Variants in NPHP4 observed in about 807,000 individuals in gnomAD.
NPHP4 encodes nephrocystin-4.
NPHP4 carries 151 observed loss-of-function variants against 155.8 expected under a neutral mutation model. The ratio of observed to expected loss-of-function variants is 0.97; its 90% CI spans 0.85 to 1.11. The LOEUF (loss-of-function observed/expected upper bound fraction) is 1.11, where lower values mean the gene tolerates loss of function less well. NPHP4 is among the 50% of genes least tolerant of loss of function. NPHP4 has a pLI of 0.00. For synonymous variants in NPHP4, 845 were observed against 816.8 expected, an observed-to-expected ratio of 1.03 and a Z score of -0.59; for missense variants, 1,956 against 1,925.7, an observed-to-expected ratio of 1.02 and a Z score of -0.29.
At chr1:5,891,270 G>A (rs957540610) in intron 16 of NPHP4, among the ~76,000 whole-genome samples, 2 of 152,192 alleles carry the variant, frequency 1.3e-5, no homozygotes, top group South Asian at 4.1e-4. Flanking sequence ...AAGATTTATG[G>A]TTTCACCAAG....
chr1:5,875,869 T>C (rs1186546362), intron 20 of NPHP4: 1 of 152,288 alleles, frequency 6.6e-6, no homozygotes, highest in Non-Finnish European at 1.5e-5. Flanking sequence ...GTCAGAGAGA[T>C]GGGCTGACTT....
intron 28 of NPHP4, 120 bp downstream of exon 28, chr1:5,864,218 G>GTT: frequency 8.6e-7 from 1 of 1,158,334 alleles, no homozygotes; most frequent in Non-Finnish European, 1.2e-6. Flanking sequence ...CATGCACCCG[G>GTT]CCCTGCTGGG....
chr1:5,956,090 A>C (rs1649183122), intron 6 of NPHP4, among the ~76,000 whole-genome samples: 1 of 151,582 alleles, frequency 6.6e-6, no homozygotes, highest in Non-Finnish European at 1.5e-5. Context: ...GGGATGACAT[A>C]AACTAAAATA....
intron 16 of NPHP4, among the ~76,000 whole-genome samples, chr1:5,897,456 A>G (rs1438937742): frequency 6.6e-6 from 1 of 152,256 alleles, no homozygotes; most frequent in Non-Finnish European, 1.5e-5. Flanking sequence ...TGGGCTGTGA[A>G]GCACACAGCA....
At position 5,864,512 on chromosome 1, in the gene NPHP4, G is replaced by C; in HGVS notation, c.3822C>G (p.Asp1274Glu). Residue 1274 changes from aspartate to glutamate, a missense_variant, in exon 28 of 30, where the codon GAC (aspartate) becomes GAG (glutamate). Asp to Glu is a conservative substitution (Grantham distance 45). Coordinates refer to ENST00000378156, the MANE Select transcript of NPHP4 (RefSeq NM_015102.5). ...FTSHPQELKT[D>E]PKGVFVLPPR... is the part of the protein sequence containing the mutation. Reference sequence around the variant, plus strand: ...GCGGCAGCACGAAGACACCTTTGGGGTCTGTCTTCAAGAGCGAGAGAGGCG... The same window carrying C: ...GCGGCAGCACGAAGACACCTTTGGGCTCTGTCTTCAAGAGCGAGAGAGGCG... 3 of 1,571,060 alleles carry C rather than the reference G, an allele frequency of 1.9e-6. No individual in the cohort carries two copies. The highest frequency in any genetic ancestry group is 1.2e-5 in the South Asian group (1 of 86,356).
chr1:5,991,921 CCAGGGGGCAGGGGGCAGGGGG>C (rs71568636), intron 1 of NPHP4, among the ~76,000 whole-genome samples: 192 of 101,016 alleles, frequency 1.9e-3, no homozygotes, highest in African/African-American at 2.4e-3. Context: ...TGCAGAGAGG[CCAGGGGGCAGGGGGCAGGGGG>C]CAGGGGGCAG....
Position 5,872,587 on chromosome 1 carries a change from T to C in NPHP4, c.3315+665A>G, listed in dbSNP as rs146978938. On this transcript the variant is annotated intron_variant, in intron 23 of 29. Coordinates refer to ENST00000378156, the MANE Select transcript of NPHP4 (RefSeq NM_015102.5). ...GCCCGGTGGACACAGAGGGCCAGGC[T>C]GCAACCACAGTGAGACCCGGGCCAC... 5.4e-3 allele frequency among the ~76,000 whole-genome samples: 817 copies of C among 152,330 alleles called. 12 individuals carry two copies. The highest frequency in any genetic ancestry group is 0.018 in the African/African-American group (759 of 41,564).
chr1:5,933,590 T>C (rs769507312), intron 9 of NPHP4, among the ~76,000 whole-genome samples: 1 of 152,114 alleles, frequency 6.6e-6, no homozygotes, highest in Non-Finnish European at 1.5e-5. Context: ...TGAGTCTCCT[T>C]TTCTGGCCCA....
In NPHP4 at chr1:5,978,373, C is replaced by T. The variant is rs200128117; in HGVS notation, c.176G>A (p.Arg59Gln). The T allele has an allele frequency of 9.8e-5, 158 of 1,607,528 alleles. No individual in the cohort carries two copies. The highest frequency in any genetic ancestry group is 1.2e-4 in the Non-Finnish European group (143 of 1,177,180). ...GTAGGTGACATCAAAGAAAGACACT[C>T]GCAGATGGCATTCAACCTCTGACAG... ...EVLSEVECHL[R>Q]VSFFDVTYRH... is the part of the protein sequence containing the mutation. Residue 59 changes from arginine (R) to glutamine (Q), a missense_variant, in exon 3 of 30, where the codon CGA (arginine) becomes CAA (glutamine). Transcript: ENST00000378156.
rs1022698309 is a variant in NPHP4 at position 5,919,241 on chromosome 1, C to A, written c.1441+8408G>T. On this transcript the variant is annotated intron_variant, in intron 11 of 29. Transcript: ENST00000378156. ...ATTGTAGAAACAGAAATCCCAAATACAAGTTAATCACATCAAGATGGACAT... is the reference window on the plus strand; with the variant it reads ...ATTGTAGAAACAGAAATCCCAAATAAAAGTTAATCACATCAAGATGGACAT... Among the ~76,000 whole-genome samples, 3 of 152,324 alleles carry A rather than the reference C, an allele frequency of 2.0e-5. No individual in the cohort carries two copies. The East Asian group carries it at 5.8e-4, about 29-fold the overall frequency.
At chr1:5,934,611 C>T (rs550032295) in intron 9 of NPHP4, among the ~76,000 whole-genome samples, 2 of 152,226 alleles carry the variant, frequency 1.3e-5, no homozygotes, top group South Asian at 4.1e-4. Context: ...TGGCTCCCCA[C>T]TGCTCCCAGT....
Position 5,889,843 on chromosome 1 carries a change from C to T in NPHP4, c.2304+1025G>A, listed in dbSNP as rs1644025125. 6.6e-6 allele frequency among the ~76,000 whole-genome samples: 1 copy of T among 152,218 alleles called. No homozygotes were observed. The highest frequency in any genetic ancestry group is 1.5e-5 in the Non-Finnish European group (1 of 68,024). On this transcript the variant is annotated intron_variant, in intron 17 of 29. Coordinates refer to ENST00000378156, the MANE Select transcript of NPHP4 (RefSeq NM_015102.5). This position sits in a 1 kb window ranked among gnomAD's most constrained non-coding sequence, Gnocchi z 4.2. ...GCCAAGCCCTGCGGAGTCCCTGCCA[C>T]CTGCAGACCCCACCCTGAACGTTCT...
At chr1:5,869,625 G>A (rs1570097023) in intron 23 of NPHP4, among the ~76,000 whole-genome samples, 1 of 152,184 alleles carries the variant, frequency 6.6e-6, no homozygotes, top group Non-Finnish European at 1.5e-5. Context: ...AGGACACAAA[G>A]GACCTAAAGA....
intron 2 of NPHP4, among the ~76,000 whole-genome samples, chr1:5,979,872 A>G (rs951454526): frequency 6.6e-6 from 1 of 152,050 alleles, no homozygotes; most frequent in Non-Finnish European, 1.5e-5. Flanking sequence ...CAGTGACGAG[A>G]TAAGACTGTC....
chr1:5,989,025 C>G (rs534953314), intron 1 of NPHP4, among the ~76,000 whole-genome samples: 1 of 152,210 alleles, frequency 6.6e-6, no homozygotes, highest in African/African-American at 2.4e-5. Flanking sequence ...TGTGGAGGAC[C>G]CTGACCCAAT....
intron 16 of NPHP4, among the ~76,000 whole-genome samples, chr1:5,896,487 C>A (rs1045788941): frequency 6.6e-6 from 1 of 152,156 alleles, no homozygotes; most frequent in African/African-American, 2.4e-5. Context: ...CAACAATTAA[C>A]ATCAGCAGTG....
At chr1:5,875,790 C>A (rs912158680) in intron 20 of NPHP4, among the ~76,000 whole-genome samples, 1 of 152,246 alleles carries the variant, frequency 6.6e-6, no homozygotes, top group Non-Finnish European at 1.5e-5. Flanking sequence ...AGCCAGCCTG[C>A]AGCTACTCCA....
At chr1:5,966,526 C>T (rs547833010) in intron 5 of NPHP4, among the ~76,000 whole-genome samples, 1 of 152,310 alleles carries the variant, frequency 6.6e-6, no homozygotes, top group East Asian at 1.9e-4. Context: ...AGATTACAAG[C>T]CTGAGCCACC....
At chr1:5,914,639 C>T (rs778549960) in intron 11 of NPHP4, among the ~76,000 whole-genome samples, 9 of 152,170 alleles carry the variant, frequency 5.9e-5, no homozygotes, top group Non-Finnish European at 8.8e-5. Flanking sequence ...TACTTTCCCA[C>T]GTCCATAGAT....
Sources: gnomAD v4.1 joint callset for allele counts (sites outside exome capture counted in the v4.1 genomes callset) on GRCh38, gnomAD v4.1.1 for gene constraint, Gnocchi (gnomAD v3.1) non-coding constraint, MANE v1.5 for transcripts, NCBI Gene and HGNC (gene_info 2026-07-23, HGNC 2026-07-21) for gene names.